The following DCN variants were observed in gnomAD, a reference collection of about 807,000 sequenced individuals.
DCN encodes the protein decorin.
A neutral mutation model predicts 36.5 loss-of-function variants in DCN; 17 were observed. The ratio of observed to expected loss-of-function variants is 0.47; its 90% CI spans 0.32 to 0.70. DCN has a LOEUF of 0.70. DCN is among the 30% of genes least tolerant of loss of function. The pLI is 0.04. For synonymous variants in DCN, 163 were observed against 161.4 expected, an observed-to-expected ratio of 1.01 and a Z score of -0.07; for missense variants, 389 against 430.1, an observed-to-expected ratio of 0.90 and a Z score of 0.84.
Position 91,145,777 on chromosome 12 carries a change from A to C in DCN, c.*281T>G. On this transcript the variant is annotated 3_prime_UTR_variant, in exon 8 of 8. Transcript: ENST00000052754. ...AAAGCTTTACTAAATATTGACATAT[A>C]TATTTACTCCAAATTTTACATTTAG... 2.2e-6 allele frequency: 1 copy of C among 455,334 alleles called. No individual in the cohort carries two copies. Among genetic ancestry groups the C allele is most frequent in the Non-Finnish European group, 4.0e-6 (1 of 247,284 alleles). The allele number at this position is 455,334 out of a possible 1,614,324, so 28.2% of individuals were successfully genotyped here. A position where few individuals can be genotyped will look rare whatever the true frequency, so the allele number is the denominator to read the frequency against.
intron 5 of DCN, among the ~76,000 whole-genome samples, chr12:91,156,312 G>A (rs889493819): frequency 1.3e-5 from 2 of 152,178 alleles, no homozygotes; most frequent in South Asian, 4.2e-4. Flanking sequence ...TTGGTACATC[G>A]CCTACACATA....
In DCN at chr12:91,151,753, A is replaced by G. The variant is rs200364515; in HGVS notation, c.786T>C (p.Asn262=). The change falls in exon 7 of 8, where the codon AAT becomes AAC. Residue 262 remains asparagine (N), a synonymous_variant. Coordinates refer to ENST00000052754, the MANE Select transcript of DCN (RefSeq NM_001920.5). ...GATGAGGCGTGTTGGCCAGAGAGCC[A>G]TTGTCAACAGCAGAGATGCTGTTGA... is the stretch of plus-strand genomic sequence containing the variant. The part of the protein sequence containing the change: ...LSFNSISAVD[N]GSLANTPHLR... 1.9e-6 allele frequency: 3 copies of G among 1,614,118 alleles called. No homozygotes were observed. In the African/African-American group the frequency reaches 4.0e-5, roughly 22 times the overall value.
At chr12:91,150,749 C>A (rs1487027855) in intron 7 of DCN, 1 of 151,920 alleles carries the variant, frequency 6.6e-6, no homozygotes, top group Non-Finnish European at 1.5e-5. Flanking sequence ...GGGTATATAC[C>A]CAAAGAAATA....
At chr12:91,169,397 A>AAAAAAC (rs1565785747) in intron 2 of DCN, among the ~76,000 whole-genome samples, 2 of 151,148 alleles carry the variant, frequency 1.3e-5, no homozygotes, top group Non-Finnish European at 3.0e-5. Flanking sequence ...AAAAAAAAAA[A>AAAAAAC]AAAACCAAAA....
At chr12:91,171,335 AT>A (rs1882940799) in intron 2 of DCN, among the ~76,000 whole-genome samples, 2 of 152,332 alleles carry the variant, frequency 1.3e-5, no homozygotes, top group Non-Finnish European at 1.5e-5. Context: ...CAAACTTCTC[AT>A]TAGAAATGTA....
intron 2 of DCN, among the ~76,000 whole-genome samples, chr12:91,174,513 G>A (rs1233255265): frequency 1.3e-5 from 2 of 152,002 alleles, no homozygotes; most frequent in Admixed American, 1.3e-4. Context: ...GGAAATATCA[G>A]AAACAGCCTC....
In DCN at chr12:91,144,338, GAAC is replaced by G. The variant is rs1297614544; in HGVS notation, c.*1717_*1719del. The G allele has an allele frequency of 2.6e-5, 4 of 152,110 alleles. No homozygotes were observed. The highest frequency in any genetic ancestry group is 4.4e-5 in the Non-Finnish European group (3 of 68,032). The allele number at this position is 152,110 out of a possible 1,614,324, so 9.4% of individuals were successfully genotyped here. On this transcript the variant is annotated 3_prime_UTR_variant, in exon 8 of 8. Transcript: ENST00000052754. ...GATGCATCATTCAAGGTCCAGCTCT[GAAC>G]AACAACAAAAAAAGTCCATTTATGG...
At chr12:91,160,219 G>C (rs1882074336) in intron 3 of DCN, among the ~76,000 whole-genome samples, 1 of 152,118 alleles carries the variant, frequency 6.6e-6, no homozygotes, top group Non-Finnish European at 1.5e-5. Flanking sequence ...AGCCAGCTGA[G>C]TGGAGTGAGG....
intron 6 of DCN, among the ~76,000 whole-genome samples, chr12:91,152,296 C>A (rs761414688): frequency 2.1e-5 from 3 of 143,166 alleles, no homozygotes; most frequent in Non-Finnish European, 4.4e-5. Flanking sequence ...TACACACACA[C>A]ATGCATATAT....
chr12:91,155,226 T>C (rs1881684401), intron 5 of DCN, among the ~76,000 whole-genome samples: 1 of 152,136 alleles, frequency 6.6e-6, no homozygotes, highest in South Asian at 2.1e-4. Flanking sequence ...TTAATTACAA[T>C]TTTCTTTACC....
intron 1 of DCN, among the ~76,000 whole-genome samples, chr12:91,181,396 T>C (rs1868396236): frequency 6.6e-6 from 1 of 152,052 alleles, no homozygotes; most frequent in Non-Finnish European, 1.5e-5. Flanking sequence ...CTTCTTTCCT[T>C]AATTAATCAG....
chr12:91,157,525 C>T lies in DCN; in HGVS notation c.539-337G>A, dbSNP rs764382521. Among the ~76,000 whole-genome samples, 14 of 152,160 alleles carry T rather than the reference C, an allele frequency of 9.2e-5. No individual in the cohort carries two copies. The East Asian group carries it at 1.5e-3, about 17-fold the overall frequency. ...AAGCAAGTTTACAATTCCCATCTTA[C>T]GTTATTTATTATTTTCCTAAGGTAT... On this transcript the variant is annotated intron_variant, in intron 4 of 7. Coordinates refer to ENST00000052754, the MANE Select transcript of DCN (RefSeq NM_001920.5).
rs1880949611 is a variant in DCN at position 91,145,461 on chromosome 12, C to T, written c.*597G>A. ...AGATGTACTGTTATTGTCAACAAAC[C>T]AATGTCTTCTCCCTTCATAAAATTG... On this transcript the variant is annotated 3_prime_UTR_variant, in exon 8 of 8. Transcript: ENST00000052754. 1 of 157,438 alleles carries T rather than the reference C, an allele frequency of 6.4e-6. No homozygotes were observed. Among genetic ancestry groups the T allele is most frequent in the Admixed American group, 6.3e-5 (1 of 15,918 alleles). The allele number at this position is 157,438 out of a possible 1,614,324, so 9.8% of individuals were successfully genotyped here.
chr12:91,161,678 C>T, intron 3 of DCN, among the ~76,000 whole-genome samples: 1 of 152,194 alleles, frequency 6.6e-6, no homozygotes, highest in Non-Finnish European at 1.5e-5. Flanking sequence ...TTCTTTCACT[C>T]TAGCCAACTC....
intron 1 of DCN, among the ~76,000 whole-genome samples, chr12:91,181,754 CA>C (rs1868413653): frequency 1.3e-5 from 2 of 151,804 alleles, no homozygotes; most frequent in Non-Finnish European, 2.9e-5. Flanking sequence ...AAATGCAAAA[CA>C]AAATTAAAAT....
intron 2 of DCN, among the ~76,000 whole-genome samples, chr12:91,168,945 C>T (rs1882756807): frequency 2.0e-5 from 3 of 152,142 alleles, no homozygotes; most frequent in Non-Finnish European, 4.4e-5. Context: ...ATATATTTCT[C>T]CTGGAAAAGC....
chr12:91,155,085 A>G (rs1881675278), intron 5 of DCN, among the ~76,000 whole-genome samples: 2 of 152,178 alleles, frequency 1.3e-5, no homozygotes, highest in African/African-American at 2.4e-5. Context: ...AGGTGGAATC[A>G]TGTATTAGAT....
chr12:91,152,344 T>G (rs1881486097), intron 6 of DCN, among the ~76,000 whole-genome samples: 1 of 150,840 alleles, frequency 6.6e-6, no homozygotes, highest in African/African-American at 2.5e-5. Flanking sequence ...TTATATTTAT[T>G]TATCCACCAT....
chr12:91,153,782 A>T (rs2121187338), intron 5 of DCN, among the ~76,000 whole-genome samples: 1 of 152,194 alleles, frequency 6.6e-6, no homozygotes, highest in South Asian at 2.1e-4. Context: ...GTTTATGCAG[A>T]AGGAGTGGAG....
Sources: gnomAD v4.1 joint callset for allele counts (sites outside exome capture counted in the v4.1 genomes callset) on GRCh38, gnomAD v4.1.1 for gene constraint, MANE v1.5 for transcripts, NCBI Gene and HGNC (gene_info 2026-07-23, HGNC 2026-07-21) for gene names.